The following THSD7B variants were observed in gnomAD, a reference collection of about 807,000 sequenced individuals.
THSD7B encodes thrombospondin type 1 domain containing 7B, also known as thrombospondin type-1 domain-containing protein 7B.
THSD7B carries 138 observed loss-of-function variants against 213.6 expected under a neutral mutation model. The observed-to-expected ratio is 0.65, with a 90% confidence interval of 0.56 to 0.74. The LOEUF is 0.74. THSD7B is among the 30% of genes least tolerant of loss of function. The probability of loss-of-function intolerance (pLI) is 0.00; values close to 1 mark genes in which losing one functional copy is unlikely to be tolerated. For missense variants in THSD7B, 1,931 were observed against 1,991.5 expected, an observed-to-expected ratio of 0.97 and a Z score of 0.58; for synonymous variants, 742 against 687.0, an observed-to-expected ratio of 1.08 and a Z score of -1.25.
chr2:137,047,380 G>A (rs926406123), intron 2 of THSD7B, among the ~76,000 whole-genome samples: 26 of 152,184 alleles, frequency 1.7e-4, no homozygotes, highest in African/African-American at 5.8e-4. Context: ...TTGTGATTAT[G>A]CCATGTTGTT....
At chr2:137,274,936 G>A (rs1682834509) in intron 11 of THSD7B, among the ~76,000 whole-genome samples, 1 of 151,984 alleles carries the variant, frequency 6.6e-6, no homozygotes. Flanking sequence ...AAGGCCACTT[G>A]AATGAAGTCA....
At position 137,073,975 on chromosome 2, in the gene THSD7B, T is replaced by C. The variant is rs1170405357; in HGVS notation, c.950+16745T>C. ...CAGTTTGTTATAATTTCTGTTCTTTTACATTTGCTGAGGAGTGCTTTACTT... is the reference window on the plus strand; with the variant it reads ...CAGTTTGTTATAATTTCTGTTCTTTCACATTTGCTGAGGAGTGCTTTACTT... On this transcript the variant is annotated intron_variant, in intron 3 of 27. Transcript: ENST00000409968. 3.9e-5 allele frequency among the ~76,000 whole-genome samples: 6 copies of C among 152,328 alleles called. No homozygotes were observed. In the East Asian group the frequency reaches 1.2e-3, roughly 29 times the overall value.
intron 1 of THSD7B, among the ~76,000 whole-genome samples, chr2:136,810,109 A>G (rs1013627045): frequency 2.0e-5 from 3 of 152,184 alleles, no homozygotes; most frequent in African/African-American, 7.2e-5. Flanking sequence ...TAGTTAACGC[A>G]TAGAGAAGGC....
intron 1 of THSD7B, among the ~76,000 whole-genome samples, chr2:136,814,153 C>T (rs1399719340): frequency 6.6e-6 from 1 of 152,146 alleles, no homozygotes; most frequent in Non-Finnish European, 1.5e-5. Flanking sequence ...ATAATCATTA[C>T]ATGAACTGCA....
At chr2:137,529,111 A>T (rs189694216) in intron 15 of THSD7B, among the ~76,000 whole-genome samples, 113 of 152,156 alleles carry the variant, frequency 7.4e-4, no homozygotes, top group African/African-American at 2.6e-3. Context: ...CTTCATGGAG[A>T]CAGTACTTTC....
At chr2:137,396,127 T>C (rs1163814522) in intron 12 of THSD7B, among the ~76,000 whole-genome samples, 2 of 148,092 alleles carry the variant, frequency 1.4e-5, no homozygotes, top group South Asian at 2.2e-4. Context: ...CCTGGATTCA[T>C]TAATTTTTTG....
At chr2:136,906,228 C>T (rs185364543) in intron 2 of THSD7B, among the ~76,000 whole-genome samples, 1 of 152,222 alleles carries the variant, frequency 6.6e-6, no homozygotes, top group Non-Finnish European at 1.5e-5. Context: ...GCTCAGTGTT[C>T]AGCAGCAGAC....
chr2:136,998,905 AACAGACACACACACAC>A (rs1558881964), intron 2 of THSD7B, among the ~76,000 whole-genome samples: 1 of 85,288 alleles, frequency 1.2e-5, no homozygotes, highest in African/African-American at 6.0e-5. Context: ...TTGAATACCC[AACAGACACACACACAC>A]ACACACACAC....
intron 10 of THSD7B, among the ~76,000 whole-genome samples, chr2:137,255,902 G>A (rs1053650945): frequency 1.3e-5 from 2 of 152,000 alleles, no homozygotes; most frequent in African/African-American, 4.8e-5. Context: ...TGCCCAGGAT[G>A]GTCTCAAACT....
intron 2 of THSD7B, among the ~76,000 whole-genome samples, chr2:136,933,685 CAA>C (rs1684670971): frequency 3.3e-5 from 4 of 120,604 alleles, no homozygotes; most frequent in Admixed American, 7.7e-5. Flanking sequence ...TTTTAATAAT[CAA>C]TCTCTTCTTC....
At chr2:137,186,993 A>G (rs539377140) in intron 7 of THSD7B, among the ~76,000 whole-genome samples, 1 of 152,170 alleles carries the variant, frequency 6.6e-6, no homozygotes, top group South Asian at 2.1e-4. Context: ...TCCACTTACA[A>G]TAGCCACAAA....
At chr2:137,624,001 A>C (rs1000732008) in intron 20 of THSD7B, among the ~76,000 whole-genome samples, 1 of 152,244 alleles carries the variant, frequency 6.6e-6, no homozygotes, top group African/African-American at 2.4e-5. Flanking sequence ...ATGGAACCAA[A>C]AAAGAGCCCA....
At chr2:137,043,128 G>A (rs183343311) in intron 2 of THSD7B, among the ~76,000 whole-genome samples, 123 of 152,308 alleles carry the variant, frequency 8.1e-4, no homozygotes, top group Middle Eastern at 6.8e-3. Flanking sequence ...ATTATACATG[G>A]TGGTGATTAT....
intron 1 of THSD7B, among the ~76,000 whole-genome samples, chr2:136,842,647 AC>A (rs1558823228): frequency 1.3e-5 from 2 of 152,220 alleles, no homozygotes; most frequent in Non-Finnish European, 2.9e-5. Context: ...TTTGAGAAGA[AC>A]CTTTTTTTGA....
At chr2:136,962,403 CTTTTTT>C (rs71400559) in intron 2 of THSD7B, among the ~76,000 whole-genome samples, 2,585 of 100,182 alleles carry the variant, frequency 0.026, 53 homozygotes, top group Middle Eastern at 0.14. Context: ...AATCTGTTAT[CTTTTTT>C]TTTTTTTTTT....
chr2:136,780,590 T>C (rs1032972493), intron 1 of THSD7B, among the ~76,000 whole-genome samples: 25 of 152,350 alleles, frequency 1.6e-4, no homozygotes, highest in African/African-American at 5.8e-4. Flanking sequence ...TAGTGTCTAA[T>C]GTTGACTTTT....
At chr2:137,362,751 C>A (rs1018674391) in intron 12 of THSD7B, among the ~76,000 whole-genome samples, 1 of 152,092 alleles carries the variant, frequency 6.6e-6, no homozygotes, top group Non-Finnish European at 1.5e-5. Context: ...CCTTAGAGAC[C>A]TACAAAGAGA....
chr2:136,810,223 A>G (rs1204304932), intron 1 of THSD7B, among the ~76,000 whole-genome samples: 1 of 152,184 alleles, frequency 6.6e-6, no homozygotes, highest in Non-Finnish European at 1.5e-5. Context: ...TAGTGCAGCC[A>G]CAGAGGAGCT....
intron 12 of THSD7B, among the ~76,000 whole-genome samples, chr2:137,315,525 C>T (rs1310509561): frequency 1.3e-5 from 2 of 152,122 alleles, no homozygotes; most frequent in Non-Finnish European, 2.9e-5. Flanking sequence ...GCCATCTTGG[C>T]TCCTCCCCCA....
Sources: allele counts gnomAD v4.1 joint callset (sites outside exome capture counted in the v4.1 genomes callset), GRCh38; gene constraint gnomAD v4.1.1; transcripts MANE v1.5; gene names NCBI Gene and HGNC (gene_info 2026-07-23, HGNC 2026-07-21).